The following SLC24A2 variants were observed in gnomAD, a reference collection of about 807,000 sequenced individuals.
SLC24A2 encodes solute carrier family 24 member 2.
Under a neutral mutation model 62.0 loss-of-function variants are expected in SLC24A2, and 36 were observed. The ratio of observed to expected loss-of-function variants is 0.58; its 90% CI spans 0.44 to 0.77. The LOEUF is 0.77. Ranked by LOEUF, SLC24A2 falls within the 30% of genes least tolerant of loss-of-function variation. SLC24A2 has a pLI of 0.00. For synonymous variants in SLC24A2, 358 were observed against 294.0 expected (o/e 1.22, Z -2.23); for missense variants, 846 against 817.9 (o/e 1.03, Z -0.42).
intron 2 of SLC24A2, among the ~76,000 whole-genome samples, chr9:19,692,393 G>GA (rs1243309940): frequency 1.3e-5 from 2 of 151,978 alleles, no homozygotes; most frequent in Non-Finnish European, 1.5e-5. Flanking sequence ...ATTCATGCTA[G>GA]AAAAAATAGA....
the SLC24A2 span, among the ~76,000 whole-genome samples, chr9:20,126,093 A>T: frequency 1.3e-5 from 2 of 152,302 alleles, no homozygotes; most frequent in Non-Finnish European, 2.9e-5. Flanking sequence ...TTGTGTGTGT[A>T]GATAGTTGTC....
chr9:20,250,255 C>G, the SLC24A2 span, among the ~76,000 whole-genome samples: 51 of 152,278 alleles, frequency 3.3e-4, no homozygotes, highest in African/African-American at 1.2e-3. Flanking sequence ...ATGGTAGAAC[C>G]AGAATTAGAA....
intron 2 of SLC24A2, among the ~76,000 whole-genome samples, chr9:19,780,046 G>T (rs559710277): frequency 6.6e-6 from 1 of 152,100 alleles, no homozygotes; most frequent in Admixed American, 6.5e-5. Context: ...CAGGGCGACA[G>T]AGCGAGACTC....
chr9:20,240,764 A>T, the SLC24A2 span, among the ~76,000 whole-genome samples: 5 of 152,100 alleles, frequency 3.3e-5, no homozygotes, highest in African/African-American at 1.2e-4. Flanking sequence ...GGGGAGGAAA[A>T]TTCCAGGAAG....
At chr9:20,166,639 C>A in the SLC24A2 span, among the ~76,000 whole-genome samples, 2 of 151,586 alleles carry the variant, frequency 1.3e-5, no homozygotes, top group Non-Finnish European at 2.9e-5. Flanking sequence ...TAAGTTTAAG[C>A]CAGAAAATAG....
chr9:20,031,351 T>TTATA, the SLC24A2 span, among the ~76,000 whole-genome samples: 1,767 of 141,574 alleles, frequency 0.012, 29 homozygotes, highest in African/African-American at 0.039. Context: ...TACACACACT[T>TTATA]TATATATATA....
the SLC24A2 span, among the ~76,000 whole-genome samples, chr9:19,901,851 G>T: frequency 6.6e-6 from 1 of 152,138 alleles, no homozygotes; most frequent in Non-Finnish European, 1.5e-5. Flanking sequence ...TGGAACAGGC[G>T]GGGTGGGAGG....
the SLC24A2 span, among the ~76,000 whole-genome samples, chr9:20,031,317 AGT>A: frequency 2.1e-5 from 3 of 144,502 alleles, no homozygotes; most frequent in South Asian, 2.2e-4. Flanking sequence ...TCTCTTTTAA[AGT>A]GTGTGTGTGC....
the SLC24A2 span, among the ~76,000 whole-genome samples, chr9:20,093,151 C>A: frequency 6.6e-6 from 1 of 151,690 alleles, no homozygotes; most frequent in Admixed American, 6.6e-5. Context: ...GACTCACCGC[C>A]ACCTCCACCT....
rs1227781945 is a variant in SLC24A2 at position 19,528,038 on chromosome 9, C to G, written c.1569+11G>C. On this transcript the variant is annotated intron_variant, in intron 9 of 10. Coordinates refer to ENST00000341998, the MANE Select transcript of SLC24A2 (RefSeq NM_020344.4). ...AAACAAGGCAGAGGCATGTCACTAT[C>G]AAAATCTTACCTGGTGCGCCCACCA... 1 of 1,533,662 alleles carries G rather than the reference C, an allele frequency of 6.5e-7. No homozygotes were observed. Among genetic ancestry groups the G allele is most frequent in the Non-Finnish European group, 8.9e-7 (1 of 1,119,828 alleles).
chr9:19,722,007 A>T (rs1284114105), intron 2 of SLC24A2, among the ~76,000 whole-genome samples: 2 of 152,116 alleles, frequency 1.3e-5, no homozygotes, highest in Non-Finnish European at 2.9e-5. Flanking sequence ...TACTTTTCCA[A>T]ATTCCTCATA....
In SLC24A2 at chr9:19,508,033, C is replaced by T. The variant is rs1178410885; in HGVS notation, c.*8120G>A. The T allele has an allele frequency of 6.6e-6, 1 of 152,170 alleles. No individual in the cohort carries two copies. Among genetic ancestry groups the T allele is most frequent in the Non-Finnish European group, 1.5e-5 (1 of 68,034 alleles). 9.4% of individuals were successfully genotyped at this position (152,170 alleles called of 1,614,324 possible). ...TATCTGAAGAACAAAAGTATAATTT[C>T]TCTTGCTTTTAGTGCTAGCAGCAAC... On this transcript the variant is annotated 3_prime_UTR_variant, in exon 11 of 11. Transcript: ENST00000341998.
At chr9:19,699,037 C>A (rs1225697649) in intron 2 of SLC24A2, among the ~76,000 whole-genome samples, 1 of 152,050 alleles carries the variant, frequency 6.6e-6, no homozygotes, top group Non-Finnish European at 1.5e-5. Context: ...GGCTTAGAAC[C>A]AGGAATGGGG....
intron 7 of SLC24A2, among the ~76,000 whole-genome samples, chr9:19,566,927 A>C (rs1208749213): frequency 6.9e-6 from 1 of 145,296 alleles, no homozygotes; most frequent in Non-Finnish European, 1.5e-5. Context: ...ACTTGGACAC[A>C]GGACGGGGAA....
chr9:19,804,296 C>A, the SLC24A2 span, among the ~76,000 whole-genome samples: 3 of 152,014 alleles, frequency 2.0e-5, no homozygotes, highest in African/African-American at 7.2e-5. Context: ...TCTTTAATTT[C>A]TTTCAAAAAT....
At chr9:20,009,010 C>G in the SLC24A2 span, among the ~76,000 whole-genome samples, 1 of 152,296 alleles carries the variant, frequency 6.6e-6, no homozygotes, top group African/African-American at 2.4e-5. Flanking sequence ...CTGAAAAAAG[C>G]TATGATTCAA....
At chr9:19,524,553 C>G (rs184376884) in intron 9 of SLC24A2, among the ~76,000 whole-genome samples, 1 of 152,144 alleles carries the variant, frequency 6.6e-6, no homozygotes, top group African/African-American at 2.4e-5. Context: ...GAGTTGAACA[C>G]TATATAACTG....
At chr9:19,995,401 T>C in the SLC24A2 span, among the ~76,000 whole-genome samples, 1 of 152,130 alleles carries the variant, frequency 6.6e-6, no homozygotes, top group East Asian at 1.9e-4. Flanking sequence ...GTCCTGGCTC[T>C]GGGGAAGGAA....
At chr9:19,597,208 C>A in intron 5 of SLC24A2, 21 bp downstream of exon 5, 1 of 1,532,404 alleles carries the variant, frequency 6.5e-7, no homozygotes, top group Admixed American at 1.7e-5. Context: ...CCAATGCATA[C>A]AATTCTAAAA....
Sources: gnomAD v4.1 joint callset for allele counts (sites outside exome capture counted in the v4.1 genomes callset) on GRCh38, gnomAD v4.1.1 for gene constraint, MANE v1.5 for transcripts, NCBI Gene and HGNC (gene_info 2026-07-23, HGNC 2026-07-21) for gene names.